The following SMARCAD1 variants were observed in gnomAD, a reference collection of about 807,000 sequenced individuals.
SMARCAD1 encodes SNF2 related chromatin remodeling ATPase with DExD box 1, also known as SWI/SNF-related matrix-associated actin-dependent regulator of chromatin subfamily A containing DEAD/H box 1.
Under a neutral mutation model 127.1 loss-of-function variants are expected in SMARCAD1, and 25 were observed. The ratio of observed to expected loss-of-function variants is 0.20; its 90% CI spans 0.14 to 0.27. The LOEUF is 0.27. Among genes scored for constraint, SMARCAD1 ranks in the 10% least tolerant of loss-of-function variants. SMARCAD1 has a pLI of 1.00. For synonymous variants in SMARCAD1, 400 were observed against 396.9 expected, an observed-to-expected ratio of 1.01 and a Z score of -0.09; for missense variants, 807 against 1,206.0, an observed-to-expected ratio of 0.67 and a Z score of 4.90.
chr4:94,282,671 C>T (rs947274832), intron 21 of SMARCAD1, among the ~76,000 whole-genome samples: 1 of 151,284 alleles, frequency 6.6e-6, no homozygotes, highest in Non-Finnish European at 1.5e-5. Flanking sequence ...GGTTTTTTCC[C>T]ACCCGCATTA....
intron 2 of SMARCAD1, among the ~76,000 whole-genome samples, chr4:94,218,456 C>A (rs1743560366): frequency 6.6e-6 from 1 of 151,906 alleles, no homozygotes; most frequent in Non-Finnish European, 1.5e-5. Flanking sequence ...CGACGCCCAG[C>A]TAATATTTGT....
intron 8 of SMARCAD1, 85 bp downstream of exon 8, chr4:94,250,918 T>C: frequency 9.5e-7 from 1 of 1,050,120 alleles, no homozygotes; most frequent in South Asian, 1.4e-5. Context: ...TAAGAAAAGC[T>C]ATTAGCTGTT....
intron 5 of SMARCAD1, 42 bp downstream of exon 5, chr4:94,237,060 C>T (rs184272658): frequency 6.6e-5 from 96 of 1,452,632 alleles, no homozygotes; most frequent in East Asian, 4.3e-4. Context: ...TTTATTGTTA[C>T]GTCATAATAA....
chr4:94,233,055 C>CAT (rs1746095190), intron 3 of SMARCAD1, among the ~76,000 whole-genome samples: 1 of 152,054 alleles, frequency 6.6e-6, no homozygotes, highest in Non-Finnish European at 1.5e-5. Flanking sequence ...CATGTTGTGC[C>CAT]ATAAAGGACA....
intron 2 of SMARCAD1, among the ~76,000 whole-genome samples, chr4:94,220,669 G>A (rs772760489): frequency 6.6e-6 from 1 of 152,088 alleles, no homozygotes; most frequent in African/African-American, 2.4e-5. Context: ...CCTTTTTCAC[G>A]ATATTGATAT....
chr4:94,281,132 T>G (rs1237179732), intron 20 of SMARCAD1, among the ~76,000 whole-genome samples: 2 of 152,192 alleles, frequency 1.3e-5, no homozygotes, highest in Admixed American at 1.3e-4. Context: ...TGAAATAGCC[T>G]AAATTTGTAA....
At chr4:94,260,383 AC>A (rs1721900632) in intron 9 of SMARCAD1, among the ~76,000 whole-genome samples, 1 of 151,998 alleles carries the variant, frequency 6.6e-6, no homozygotes, top group African/African-American at 2.4e-5. Flanking sequence ...TCGCTCTGTC[AC>A]TCAGGCTGGA....
intron 9 of SMARCAD1, among the ~76,000 whole-genome samples, chr4:94,264,245 T>G (rs1369397913): frequency 6.6e-6 from 1 of 151,934 alleles, no homozygotes; most frequent in Non-Finnish European, 1.5e-5. Context: ...AAGATTAATC[T>G]TAATATGTAA....
intron 8 of SMARCAD1, 141 bp from the exon 9 acceptor site, chr4:94,252,475 T>C: frequency 1.8e-6 from 1 of 544,716 alleles, no homozygotes; most frequent in Non-Finnish European, 3.1e-6. Flanking sequence ...ATTTTTAAAG[T>C]GTATCAAATT....
chr4:94,270,859 C>A, intron 11 of SMARCAD1, 41 bp downstream of exon 11: 1 of 1,560,704 alleles, frequency 6.4e-7, no homozygotes, highest in South Asian at 1.1e-5. Context: ...TTGAAAGTGT[C>A]ATTAAAAGGT....
chr4:94,220,961 G>C (rs529142575), intron 2 of SMARCAD1, among the ~76,000 whole-genome samples: 1 of 152,342 alleles, frequency 6.6e-6, no homozygotes, highest in African/African-American at 2.4e-5. Context: ...CAATTGCTTT[G>C]TGCTAACCAG....
chr4:94,275,804 T>TATTTTA (rs1579322024), intron 14 of SMARCAD1, among the ~76,000 whole-genome samples: 2 of 145,294 alleles, frequency 1.4e-5, no homozygotes, highest in Non-Finnish European at 3.0e-5. Flanking sequence ...TTCTTTTTTT[T>TATTTTA]TTTTTTTTTT....
chr4:94,275,989 G>A (rs982404060), intron 14 of SMARCAD1, among the ~76,000 whole-genome samples: 1 of 151,844 alleles, frequency 6.6e-6, no homozygotes, highest in Non-Finnish European at 1.5e-5. Context: ...AGTAGAGACA[G>A]GGTTTCACCG....
At chr4:94,211,489 A>C (rs965725358) in intron 2 of SMARCAD1, among the ~76,000 whole-genome samples, 15 of 152,192 alleles carry the variant, frequency 9.9e-5, no homozygotes, top group Non-Finnish European at 2.2e-4. Context: ...CTTCTTTATC[A>C]TGTGGTAACT....
At chr4:94,223,203 T>C (rs1364265531) in intron 2 of SMARCAD1, among the ~76,000 whole-genome samples, 1 of 151,964 alleles carries the variant, frequency 6.6e-6, no homozygotes, top group Non-Finnish European at 1.5e-5. Context: ...TCTTCATTTT[T>C]AATAAAGAGG....
rs1359351804 is a variant in SMARCAD1, at chr4:94,208,445, T to A, written c.51T>A (p.Ile17=). Residue 17 remains isoleucine (I), a synonymous_variant, in exon 2 of 24, where the codon ATT becomes ATA. Coordinates refer to ENST00000354268, the MANE Select transcript of SMARCAD1 (RefSeq NM_020159.5). ...TTCGCTTTGAGAAAAGGAATAAGAT[T>A]GAGGAAGCGCCCGAAGCAACCCCTC... ...DRFRFEKRNK[I]EEAPEATPQP... is the part of the protein sequence containing the mutation. The A allele has an allele frequency of 6.2e-7, 1 of 1,614,110 alleles. No homozygotes were observed. Among genetic ancestry groups the A allele is most frequent in the African/African-American group, 1.3e-5 (1 of 75,008 alleles).
intron 9 of SMARCAD1, among the ~76,000 whole-genome samples, chr4:94,260,417 C>T (rs963498346): frequency 9.2e-5 from 14 of 152,086 alleles, no homozygotes; most frequent in Non-Finnish European, 1.2e-4. Flanking sequence ...GATCTTGGCT[C>T]ACTGCAACCT....
chr4:94,253,355 C>T, intron 9 of SMARCAD1: 1 of 1,303,744 alleles, frequency 7.7e-7, no homozygotes. Flanking sequence ...TCTGTTACTG[C>T]TGAGACACCA....
At position 94,260,978 on chromosome 4, in the gene SMARCAD1, G is replaced by GATTTTTTTTTTTTTTTATATATATATATA. The variant is rs1750886563; in HGVS notation, c.1282-3728_1282-3727insTTTTTTTTTTTTTTTATATATATATATAA. On this transcript the variant is annotated intron_variant, in intron 9 of 23. Transcript: ENST00000354268. ...TCTGCTGTAATTTTTTTTATATTAG[G>GATTTTTTTTTTTTTTTATATATATATATA]AAGTTTCAGCTATGAAGGAAATTTT... 2.6e-5 allele frequency among the ~76,000 whole-genome samples: 4 copies of GATTTTTTTTTTTTTTTATATATATATATA among 151,806 alleles called. No homozygotes were observed. In the South Asian group the frequency reaches 8.3e-4, roughly 32 times the overall value.
Sources: gnomAD v4.1 joint callset for allele counts (sites outside exome capture counted in the v4.1 genomes callset) on GRCh38, gnomAD v4.1.1 for gene constraint, MANE v1.5 for transcripts, NCBI Gene and HGNC (gene_info 2026-07-23, HGNC 2026-07-21) for gene names.